The following OPCML variants were observed in gnomAD, a reference collection of about 807,000 sequenced individuals.
The protein encoded by OPCML is opioid-binding protein/cell adhesion molecule.
OPCML carries 13 observed loss-of-function variants against 37.8 expected under a neutral mutation model. The ratio of observed to expected loss-of-function variants is 0.34; its 90% CI spans 0.22 to 0.55. The LOEUF (loss-of-function observed/expected upper bound fraction) is 0.55, where lower values mean the gene tolerates loss of function less well. Among genes scored for constraint, OPCML ranks in the 20% least tolerant of loss-of-function variants. The pLI is 0.91. For synonymous variants in OPCML, 176 were observed against 168.8 expected (o/e 1.04, Z -0.33); for missense variants, 341 against 435.6 (o/e 0.78, Z 1.93).
chr11:132,759,368 A>T (rs1179461191), intron 2 of OPCML, among the ~76,000 whole-genome samples: 1 of 152,186 alleles, frequency 6.6e-6, no homozygotes, highest in African/African-American at 2.4e-5. Flanking sequence ...TAGTTTTAGA[A>T]GAAATTGTAC....
chr11:132,528,949 T>C (rs925964769), intron 4 of OPCML, 112 bp downstream of exon 4: 1 of 644,666 alleles, frequency 1.6e-6, no homozygotes, highest in Non-Finnish European at 2.7e-6. Context: ...GCCTGTTTGA[T>C]TTTCTATGAC....
chr11:133,209,692 T>C (rs11223392), intron 1 of OPCML, among the ~76,000 whole-genome samples: 38,846 of 152,044 alleles, frequency 0.26, 5,103 homozygotes, highest in Middle Eastern at 0.3. Context: ...CTTCTATGAA[T>C]GGTGTGTTGA....
intron 3 of OPCML, among the ~76,000 whole-genome samples, chr11:132,583,181 C>T (rs1473188138): frequency 6.6e-6 from 1 of 152,120 alleles, no homozygotes; most frequent in Non-Finnish European, 1.5e-5. Flanking sequence ...CCCACCTCAG[C>T]CTCCCAAGTA....
chr11:133,428,928 A>G (rs141747245), intron 1 of OPCML, among the ~76,000 whole-genome samples: 180 of 152,350 alleles, frequency 1.2e-3, no homozygotes, highest in African/African-American at 3.7e-3. Context: ...TACACCAGAC[A>G]TGAAATATGT....
intron 2 of OPCML, among the ~76,000 whole-genome samples, chr11:132,700,810 A>G (rs1943778913): frequency 6.6e-6 from 1 of 152,154 alleles, no homozygotes; most frequent in African/African-American, 2.4e-5. Context: ...TTTGGCTTAC[A>G]GCGTTGTTAA....
intron 1 of OPCML, among the ~76,000 whole-genome samples, chr11:133,325,009 T>A (rs999375952): frequency 6.6e-6 from 1 of 152,200 alleles, no homozygotes; most frequent in Non-Finnish European, 1.5e-5. Context: ...ATGATGAGGA[T>A]TTGCAAGTAC....
chr11:133,483,542 TTAGA>T lies in OPCML; in HGVS notation c.61+48718_61+48721del, dbSNP rs559526699. On this transcript the variant is annotated intron_variant, in intron 1 of 7. Coordinates refer to ENST00000524381, the MANE Select transcript of OPCML (RefSeq NM_001012393.5). The stretch of plus-strand genomic sequence containing the variant: ...GATACATAGATACATAGATGATAGA[TTAGA>T]TAGATAGATAACTAGACAAAGGAAT... 2.6e-4 allele frequency among the ~76,000 whole-genome samples: 39 copies of T among 151,762 alleles called. 1 individual carries two copies. The highest frequency in any genetic ancestry group is 3.6e-3 in the Middle Eastern group (1 of 276).
intron 1 of OPCML, among the ~76,000 whole-genome samples, chr11:133,160,465 C>T (rs1323615561): frequency 6.6e-6 from 1 of 152,232 alleles, no homozygotes; most frequent in Non-Finnish European, 1.5e-5. Context: ...GTTCTGGAAA[C>T]TGACCTGCTT....
chr11:133,431,341 T>C (rs1343091411), intron 1 of OPCML, among the ~76,000 whole-genome samples: 1 of 152,228 alleles, frequency 6.6e-6, no homozygotes. Context: ...TTTATATATA[T>C]AATTATCTGT....
intron 2 of OPCML, among the ~76,000 whole-genome samples, chr11:132,754,934 A>C (rs1041462163): frequency 1.3e-5 from 2 of 152,186 alleles, no homozygotes; most frequent in African/African-American, 2.4e-5. Context: ...GAGGGAAAGA[A>C]ATCTGCTGAA....
At position 133,483,107 on chromosome 11, in the gene OPCML, A is replaced by C. The variant is rs1947413870; in HGVS notation, c.61+49157T>G. ...TGTGGGCAAAATATTTGAATGAGAA[A>C]TTTTAAGAGGAGAAAAAACAAATGC... On this transcript the variant is annotated intron_variant, in intron 1 of 7. Transcript: ENST00000524381. Among the ~76,000 whole-genome samples the C allele has an allele frequency of 2.0e-5, 3 of 152,196 alleles. No individual in the cohort carries two copies. The South Asian group carries it at 6.2e-4, about 31-fold the overall frequency.
chr11:132,832,171 C>T (rs74876972), intron 2 of OPCML, among the ~76,000 whole-genome samples: 1 of 151,308 alleles, frequency 6.6e-6, no homozygotes, highest in Non-Finnish European at 1.5e-5. Context: ...CAACCTTCAG[C>T]ATCATCAAAA....
chr11:133,268,733 T>C (rs960238922), intron 1 of OPCML, among the ~76,000 whole-genome samples: 2 of 152,230 alleles, frequency 1.3e-5, no homozygotes, highest in African/African-American at 2.4e-5. Flanking sequence ...CATCATCTTA[T>C]AAAAGAGAAT....
chr11:132,633,872 G>A (rs750483870), intron 3 of OPCML, among the ~76,000 whole-genome samples: 1 of 149,468 alleles, frequency 6.7e-6, no homozygotes, highest in Non-Finnish European at 1.5e-5. Flanking sequence ...CAAGAAAGAC[G>A]TTTATTACCT....
At chr11:132,622,971 G>A (rs573647960) in intron 3 of OPCML, among the ~76,000 whole-genome samples, 1 of 152,158 alleles carries the variant, frequency 6.6e-6, no homozygotes, top group African/African-American at 2.4e-5. Flanking sequence ...ACTCTAAATG[G>A]CGGTCATTTA....
intron 1 of OPCML, among the ~76,000 whole-genome samples, chr11:133,135,349 T>C (rs1262244228): frequency 6.6e-6 from 1 of 152,074 alleles, no homozygotes; most frequent in East Asian, 1.9e-4. Context: ...ACCCTTTGAC[T>C]CCTGTTTCTG....
intron 1 of OPCML, among the ~76,000 whole-genome samples, chr11:133,140,805 A>AGAC (rs1592041328): frequency 7.6e-6 from 1 of 130,786 alleles, no homozygotes; most frequent in Non-Finnish European, 1.6e-5. Context: ...AAGAAGAAGA[A>AGAC]GACGACGACG....
At chr11:132,713,779 A>C (rs1390072157) in intron 2 of OPCML, among the ~76,000 whole-genome samples, 2 of 152,194 alleles carry the variant, frequency 1.3e-5, no homozygotes, top group Non-Finnish European at 2.9e-5. Flanking sequence ...CATTTTGGGT[A>C]CGTTCTCCAC....
intron 1 of OPCML, among the ~76,000 whole-genome samples, chr11:133,332,782 A>G (rs1943650433): frequency 1.3e-5 from 2 of 152,122 alleles, no homozygotes; most frequent in Admixed American, 1.3e-4. Context: ...TGTTGAACCA[A>G]CCTTGCCTGC....
Sources: allele counts gnomAD v4.1 joint callset (sites outside exome capture counted in the v4.1 genomes callset), GRCh38; gene constraint gnomAD v4.1.1; transcripts MANE v1.5; gene names NCBI Gene and HGNC (gene_info 2026-07-23, HGNC 2026-07-21).